The following TBC1D14 variants were observed in gnomAD, a reference collection of about 807,000 sequenced individuals.
TBC1D14 encodes TBC1 domain family, member 14.
TBC1D14 carries 26 observed loss-of-function variants against 79.0 expected under a neutral mutation model. The observed-to-expected ratio is 0.33, with a 90% CI of 0.24 to 0.46. TBC1D14 has a LOEUF of 0.46. TBC1D14 is among the 20% of genes least tolerant of loss of function. TBC1D14 has a pLI of 1.00. For missense variants in TBC1D14, 769 were observed against 887.6 expected, an observed-to-expected ratio of 0.87 and a Z score of 1.70; for synonymous variants, 394 against 349.9, an observed-to-expected ratio of 1.13 and a Z score of -1.40.
intron 1 of TBC1D14, among the ~76,000 whole-genome samples, chr4:6,916,332 C>T (rs988928543): frequency 6.6e-6 from 1 of 150,552 alleles, no homozygotes; most frequent in Non-Finnish European, 1.5e-5. Context: ...TGCTCCAGCC[C>T]TGCGAAGAGG....
chr4:6,954,524 C>A (rs560867999), intron 2 of TBC1D14, among the ~76,000 whole-genome samples: 1 of 152,176 alleles, frequency 6.6e-6, no homozygotes, highest in Non-Finnish European at 1.5e-5. Context: ...TCTCTGAGTG[C>A]CCGAGCTCCC....
chr4:6,935,240 CT>C (rs1030045594), intron 2 of TBC1D14, among the ~76,000 whole-genome samples: 1 of 151,150 alleles, frequency 6.6e-6, no homozygotes, highest in Non-Finnish European at 1.5e-5. Flanking sequence ...TTTTTTTTTC[CT>C]TTTTTAAGAT....
intron 13 of TBC1D14, among the ~76,000 whole-genome samples, chr4:7,027,989 T>A (rs558375050): frequency 1.4e-5 from 1 of 69,062 alleles, no homozygotes; most frequent in South Asian, 5.4e-4. Flanking sequence ...CACACATAGA[T>A]CACCACTTAC....
At position 6,967,322 on chromosome 4, in the gene TBC1D14, A is replaced by G. The variant is rs1284028347; in HGVS notation, c.741A>G (p.Lys247=). ...CCTATAGGAACTTGCTTGCTAGAAA[A>G]CAAAGTGCAAGGCTTGACAAACACA... ...NFFARNLLAR[K]QSARLDKHND... is the part of the protein sequence containing the mutation. Residue 247 remains lysine (K), a synonymous_variant, in exon 3 of 14, where the codon AAA becomes AAG. Coordinates refer to ENST00000409757, the MANE Select transcript of TBC1D14 (RefSeq NM_020773.3). 6.2e-6 allele frequency: 10 copies of G among 1,613,956 alleles called. No homozygotes were observed. The highest frequency in any genetic ancestry group is 1.3e-5 in the African/African-American group (1 of 75,020).
rs1722930091 is a variant in TBC1D14, at chr4:7,030,332, G to C, written c.2022G>C (p.Leu674=). 1 of 1,613,806 alleles carries C rather than the reference G, an allele frequency of 6.2e-7. No homozygotes were observed. The highest frequency in any genetic ancestry group is 8.5e-7 in the Non-Finnish European group (1 of 1,179,870). Residue 674 remains leucine, a synonymous_variant, in exon 14 of 14, where the codon CTG becomes CTC. Coordinates refer to ENST00000409757, the MANE Select transcript of TBC1D14 (RefSeq NM_020773.3). ...QSRNKKWAQV[L]TALQKDSREM... is the part of the protein sequence containing the mutation. Reference sequence around the variant, plus strand: ...GTCTTCCCTGTGACTTCTAGGTACTGACTGCATTGCAGAAAGACAGCCGGG... The same window carrying C: ...GTCTTCCCTGTGACTTCTAGGTACTCACTGCATTGCAGAAAGACAGCCGGG...
intron 6 of TBC1D14, among the ~76,000 whole-genome samples, chr4:7,000,089 C>T (rs1719507776): frequency 6.6e-6 from 1 of 152,160 alleles, no homozygotes; most frequent in Non-Finnish European, 1.5e-5. Context: ...AAAATATGCT[C>T]AGAGCATGCT....
At chr4:6,966,803 G>A (rs1715733704) in intron 2 of TBC1D14, among the ~76,000 whole-genome samples, 1 of 152,118 alleles carries the variant, frequency 6.6e-6, no homozygotes, top group South Asian at 2.1e-4. Flanking sequence ...TAACAAAAAG[G>A]TTTTTTGTTT....
chr4:6,925,812 C>T (rs767982144), intron 2 of TBC1D14, among the ~76,000 whole-genome samples: 5 of 152,142 alleles, frequency 3.3e-5, no homozygotes, highest in Non-Finnish European at 7.3e-5. Flanking sequence ...CGTGCTCAGA[C>T]GAGTGTGTTC....
In TBC1D14 at chr4:6,947,833, T is replaced by G. The variant is rs571345470; in HGVS notation, c.723-19471T>G. On this transcript the variant is annotated intron_variant, in intron 2 of 13. Coordinates refer to ENST00000409757, the MANE Select transcript of TBC1D14 (RefSeq NM_020773.3). ...TCAGTGACTTCATCAGTGGAGACGTTCGTGGCAGAGTCATTTCAGGGTTAG... is the reference window on the plus strand; with the variant it reads ...TCAGTGACTTCATCAGTGGAGACGTGCGTGGCAGAGTCATTTCAGGGTTAG... Among the ~76,000 whole-genome samples, 12 of 152,226 alleles carry G rather than the reference T, an allele frequency of 7.9e-5. No individual in the cohort carries two copies. The East Asian group carries it at 2.3e-3, about 29-fold the overall frequency.
At chr4:7,008,448 T>G (rs950832485) in intron 9 of TBC1D14, among the ~76,000 whole-genome samples, 6 of 152,232 alleles carry the variant, frequency 3.9e-5, no homozygotes, top group African/African-American at 1.4e-4. Context: ...GTTTCGCTCT[T>G]GTTGCCCAGG....
intron 2 of TBC1D14, among the ~76,000 whole-genome samples, chr4:6,925,269 A>AC (rs1235515456): frequency 8.1e-4 from 124 of 152,298 alleles, no homozygotes; most frequent in African/African-American, 2.9e-3. Flanking sequence ...TCCATCTCAA[A>AC]AAAACAAACA....
At chr4:7,030,270 T>A in intron 13 of TBC1D14, 57 bp from the exon 14 acceptor site, 1 of 1,559,446 alleles carries the variant, frequency 6.4e-7, no homozygotes, top group Non-Finnish European at 8.8e-7. Context: ...GCTTCGCTGC[T>A]GTCAGGATCT....
intron 3 of TBC1D14, among the ~76,000 whole-genome samples, chr4:6,972,172 C>G (rs1716282791): frequency 6.6e-6 from 1 of 152,224 alleles, no homozygotes; most frequent in African/African-American, 2.4e-5. Context: ...TAGATCCATC[C>G]TGAGATTACA....
At chr4:7,020,513 C>G (rs1012071997) in intron 12 of TBC1D14, among the ~76,000 whole-genome samples, 4 of 152,106 alleles carry the variant, frequency 2.6e-5, no homozygotes, top group African/African-American at 9.7e-5. Flanking sequence ...GAGGGCGCCT[C>G]CTTAGCAGCT....
rs1294325876 is a variant in TBC1D14 at position 7,028,670 on chromosome 4, C to T, written c.2017-1657C>T. On this transcript the variant is annotated intron_variant, in intron 13 of 13. Coordinates refer to ENST00000409757, the MANE Select transcript of TBC1D14 (RefSeq NM_020773.3). ...TCAAATTCCTGACCTCGCGATCCAC[C>T]TACCTCAGCCTCCCAAAGTGCTGGG... is the stretch of plus-strand genomic sequence containing the variant. Among the ~76,000 whole-genome samples the T allele has an allele frequency of 9.7e-4, 147 of 152,250 alleles. 2 individuals carry two copies. Among genetic ancestry groups the T allele is most frequent in the Non-Finnish European group, 2.4e-4 (16 of 68,002 alleles).
At chr4:6,989,196 G>A (rs1436623419) in intron 3 of TBC1D14, among the ~76,000 whole-genome samples, 1 of 152,094 alleles carries the variant, frequency 6.6e-6, no homozygotes, top group African/African-American at 2.4e-5. Flanking sequence ...GCACTGTGCA[G>A]ATCACACGTG....
intron 1 of TBC1D14, among the ~76,000 whole-genome samples, chr4:6,915,408 A>G (rs1022941533): frequency 2.6e-5 from 4 of 152,170 alleles, no homozygotes; most frequent in African/African-American, 9.7e-5. Context: ...CCATCTGGAA[A>G]CGGTAGAACT....
intron 3 of TBC1D14, among the ~76,000 whole-genome samples, chr4:6,992,026 T>G (rs1718554022): frequency 6.6e-6 from 1 of 152,176 alleles, no homozygotes. Context: ...GTTTCAGGTC[T>G]GAGGGGAGAG....
chr4:7,004,796 C>T lies in TBC1D14; in HGVS notation c.1271-48C>T, dbSNP rs759943355. On this transcript the variant is annotated intron_variant, in intron 7 of 13. Transcript: ENST00000409757. ...GTACTGTGTTCTGTGGTGGTTTTGA[C>T]GAAAAATACATGTGCACGTAATACT... The T allele has an allele frequency of 1.5e-5, 24 of 1,584,746 alleles. 1 individual carries two copies. The highest frequency in any genetic ancestry group is 1.3e-4 in the East Asian group (6 of 44,710).
Sources: gnomAD v4.1 joint callset for allele counts (sites outside exome capture counted in the v4.1 genomes callset) on GRCh38, gnomAD v4.1.1 for gene constraint, MANE v1.5 for transcripts, NCBI Gene and HGNC (gene_info 2026-07-23, HGNC 2026-07-21) for gene names.